Variants in CRHR2 observed in about 807,000 individuals in gnomAD.
CRHR2 encodes the protein corticotropin releasing hormone receptor 2.
A neutral mutation model predicts 57.9 loss-of-function variants in CRHR2; 53 were observed. The ratio of observed to expected loss-of-function variants is 0.92; its 90% confidence interval spans 0.73 to 1.15. The LOEUF is 1.15. Among genes scored for constraint, CRHR2 ranks in the 50% most tolerant of loss-of-function variants. CRHR2 has a pLI of 0.00. For synonymous variants in CRHR2, 213 were observed against 220.9 expected (o/e 0.96, Z 0.32); for missense variants, 532 against 542.6 (o/e 0.98, Z 0.19).
chr7:30,678,765 C>T (rs1434334605), intron 2 of CRHR2, among the ~76,000 whole-genome samples: 1 of 152,198 alleles, frequency 6.6e-6, no homozygotes, highest in African/African-American at 2.4e-5. Context: ...GTGTGCCCAA[C>T]CTTTACCTTG....
intron 1 of CRHR2, among the ~76,000 whole-genome samples, chr7:30,692,955 G>A (rs1022455817): frequency 1.3e-5 from 2 of 152,166 alleles, no homozygotes; most frequent in Non-Finnish European, 2.9e-5. Flanking sequence ...GTGAGGAAGT[G>A]AAGACCTGTG....
At chr7:30,694,932 G>A (rs1354650748) in intron 1 of CRHR2, among the ~76,000 whole-genome samples, 2 of 144,580 alleles carry the variant, frequency 1.4e-5, no homozygotes, top group Admixed American at 6.9e-5. Context: ...AGGGAGAGGG[G>A]GAGAATGGGG....
intron 9 of CRHR2, 60 bp downstream of exon 9, chr7:30,655,867 G>A: frequency 1.2e-6 from 2 of 1,600,612 alleles, no homozygotes; most frequent in Non-Finnish European, 1.7e-6. Context: ...AGGAAGCAGG[G>A]GGACGGCCCG....
At chr7:30,681,471 T>C (rs1784702589) in intron 2 of CRHR2, among the ~76,000 whole-genome samples, 1 of 152,054 alleles carries the variant, frequency 6.6e-6, no homozygotes, top group Non-Finnish European at 1.5e-5. Flanking sequence ...CCTCTGGTAG[T>C]AGGGTCTGGT....
At position 30,675,380 on chromosome 7, in the gene CRHR2, A is replaced by T. The variant is rs79053282; in HGVS notation, c.229+6535T>A. 1.9e-3 allele frequency among the ~76,000 whole-genome samples: 294 copies of T among 152,302 alleles called. 2 individuals carry two copies. In the East Asian group the frequency reaches 0.021, roughly 11 times the overall value. On this transcript the variant is annotated intron_variant, in intron 2 of 11. Coordinates refer to ENST00000471646, the MANE Select transcript of CRHR2 (RefSeq NM_001883.5). ...ACCTCTGACTTAAGGAGCAGGTGGGAGGAGAGGAAAGGGCCAAGGCCCAGG... is the reference window on the plus strand; with the variant it reads ...ACCTCTGACTTAAGGAGCAGGTGGGTGGAGAGGAAAGGGCCAAGGCCCAGG...
chr7:30,661,196 A>G (rs553423676), intron 7 of CRHR2, among the ~76,000 whole-genome samples: 34 of 152,362 alleles, frequency 2.2e-4, no homozygotes, highest in Admixed American at 1.6e-3. Flanking sequence ...TGCCAGAGGC[A>G]TAATTCATTC....
chr7:30,688,702 T>A (rs1367571530), intron 2 of CRHR2: 3 of 425,750 alleles, frequency 7.0e-6, no homozygotes, highest in Non-Finnish European at 1.4e-5. Context: ...CCCAGCAGAA[T>A]CCAGGGCTCT....
At chr7:30,694,291 G>C (rs1053547211) in intron 1 of CRHR2, among the ~76,000 whole-genome samples, 2 of 152,220 alleles carry the variant, frequency 1.3e-5, no homozygotes, top group Non-Finnish European at 2.9e-5. Flanking sequence ...CCGCCTCTCA[G>C]TGCCTGGCAT....
chr7:30,675,187 G>T (rs1267682434), intron 2 of CRHR2, among the ~76,000 whole-genome samples: 1 of 152,290 alleles, frequency 6.6e-6, no homozygotes, highest in Middle Eastern at 3.4e-3. Context: ...CCTGGTGAGG[G>T]TGGGCAGTCA....
chr7:30,656,516 C>T lies in CRHR2; in HGVS notation c.832-504G>A, dbSNP rs567379287. Among the ~76,000 whole-genome samples, 8 of 152,286 alleles carry T rather than the reference C, an allele frequency of 5.3e-5. No individual in the cohort carries two copies. The highest frequency in any genetic ancestry group is 2.1e-4 in the South Asian group (1 of 4,828). ...ATGGAGGGATTAAGAACTCAGTTGC[C>T]GAATGAGTGATTAATCTGCCAGCAT... On this transcript the variant is annotated intron_variant, in intron 8 of 11. Coordinates refer to ENST00000471646, the MANE Select transcript of CRHR2 (RefSeq NM_001883.5). This position sits in a 1 kb window ranked among gnomAD's most constrained non-coding sequence, Gnocchi z 4.4.
chr7:30,677,595 G>C (rs1784559333), intron 2 of CRHR2, among the ~76,000 whole-genome samples: 1 of 152,196 alleles, frequency 6.6e-6, no homozygotes, highest in African/African-American at 2.4e-5. Flanking sequence ...TCCCCGCCTA[G>C]AGCTAAAATG....
chr7:30,665,032 C>A lies in CRHR2; in HGVS notation c.543+38G>T, dbSNP rs745790176. The A allele has an allele frequency of 6.5e-7, 1 of 1,550,196 alleles. No individual in the cohort carries two copies. The highest frequency in any genetic ancestry group is 8.9e-7 in the Non-Finnish European group (1 of 1,121,998). On this transcript the variant is annotated intron_variant, in intron 5 of 11. Transcript: ENST00000471646. The surrounding 1 kb of genome is among the most constrained non-coding windows in gnomAD (Gnocchi z 4.5). Reference sequence around the variant, plus strand: ...AGATGGGTGCCCCCGGAGCCCAGAGCCCCCCAGGTATAGCCCCGAGTCTCC... The same window carrying A: ...AGATGGGTGCCCCCGGAGCCCAGAGACCCCCAGGTATAGCCCCGAGTCTCC...
At chr7:30,655,172 G>T in intron 10 of CRHR2, 92 bp from the exon 11 acceptor site, 2 of 1,408,546 alleles carry the variant, frequency 1.4e-6, no homozygotes, top group South Asian at 1.3e-5. Context: ...ATGGTGGGGG[G>T]GGGACAATTT....
chr7:30,690,294 C>T (rs1784935253), intron 1 of CRHR2, among the ~76,000 whole-genome samples: 1 of 152,200 alleles, frequency 6.6e-6, no homozygotes, highest in Non-Finnish European at 1.5e-5. Context: ...TTAGAGAGCA[C>T]AGCATGTGCA....
rs780561829 is a variant in CRHR2 at position 30,689,389 on chromosome 7, G to A, written c.-260-105C>T. ...TATCACTCATCCCTTACTCCTCTTA[G>A]TACAGAGAGGGAGAACAAGGAGGGA... On this transcript the variant is annotated intron_variant, in intron 1 of 13. Coordinates refer to the CRHR2 transcript ENST00000341843. 7 of 916,886 alleles carry A rather than the reference G, an allele frequency of 7.6e-6. No individual in the cohort carries two copies. In the Admixed American group the frequency reaches 1.2e-4, roughly 16 times the overall value. 56.8% of individuals were successfully genotyped at this position (916,886 alleles called of 1,614,324 possible).
intron 1 of CRHR2, among the ~76,000 whole-genome samples, chr7:30,691,697 G>C (rs1784963474): frequency 6.6e-6 from 1 of 152,200 alleles, no homozygotes; most frequent in Admixed American, 6.5e-5. Flanking sequence ...CCAGATCCTG[G>C]CTTCATCTCC....
chr7:30,685,039 G>A (rs1487591075), upstream of CRHR2, among the ~76,000 whole-genome samples: 3 of 152,186 alleles, frequency 2.0e-5, no homozygotes, highest in Non-Finnish European at 4.4e-5. Flanking sequence ...CAGTTTGTGT[G>A]TCCCCAAGCT....
chr7:30,694,086 G>T (rs1300869677), intron 1 of CRHR2, among the ~76,000 whole-genome samples: 2 of 152,164 alleles, frequency 1.3e-5, no homozygotes, highest in East Asian at 3.9e-4. Flanking sequence ...CACACAGCAG[G>T]TGCTCAATAA....
At chr7:30,662,884 TG>T (rs751144571) in intron 5 of CRHR2, 37 bp from the exon 6 acceptor site, 1 of 1,608,614 alleles carries the variant, frequency 6.2e-7, no homozygotes, top group South Asian at 1.1e-5. Flanking sequence ...GGAGGCAGCT[TG>T]GGGCCCAGGT....
Sources: gnomAD v4.1 joint callset for allele counts (sites outside exome capture counted in the v4.1 genomes callset) on GRCh38, gnomAD v4.1.1 for gene constraint, Gnocchi (gnomAD v3.1) non-coding constraint, MANE v1.5 for transcripts, NCBI Gene and HGNC (gene_info 2026-07-23, HGNC 2026-07-21) for gene names.